Variants in GLI1 observed in about 807,000 individuals in gnomAD.
GLI1 encodes GLI family zinc finger 1, also known as transcription activator GLI1.
A neutral mutation model predicts 87.8 loss-of-function variants in GLI1; 51 were observed. The ratio of observed to expected loss-of-function variants is 0.58; its 90% confidence interval spans 0.46 to 0.73. GLI1 has a LOEUF of 0.73. Ranked by LOEUF, GLI1 falls within the 30% of genes least tolerant of loss-of-function variation. GLI1 has a pLI of 0.00. For synonymous variants in GLI1, 528 were observed against 558.2 expected (o/e 0.95, Z 0.76); for missense variants, 1,292 against 1,437.2 (o/e 0.90, Z 1.63).
intron 3 of GLI1, 116 bp from the exon 4 acceptor site, chr12:57,464,557 C>G: frequency 1.5e-6 from 1 of 658,964 alleles, no homozygotes; most frequent in Non-Finnish European, 2.6e-6. Context: ...CAGATAGCAT[C>G]AATAGGGCAA....
chr12:57,467,235 T>C lies in GLI1; in HGVS notation c.913-98T>C, dbSNP rs1199609239. 3 of 1,020,146 alleles carry C rather than the reference T, an allele frequency of 2.9e-6. No homozygotes were observed. In the African/African-American group the frequency reaches 4.8e-5, roughly 16 times the overall value. The allele number at this position is 1,020,146 out of a possible 1,614,324, so 63.2% of individuals were successfully genotyped here. A position where few individuals can be genotyped will look rare whatever the true frequency, so the allele number is the denominator to read the frequency against. On this transcript the variant is annotated intron_variant, in intron 8 of 11. Coordinates refer to ENST00000228682, the MANE Select transcript of GLI1 (RefSeq NM_005269.3). The stretch of plus-strand genomic sequence containing the variant: ...AGCCCCAGTGCCTTTCATCTTGAGT[T>C]ATATTCTCTGATGTGTGTCCTGTTG...
At position 57,472,135 on chromosome 12, in the gene GLI1, C is replaced by A; in HGVS notation, c.*74C>A. The A allele has an allele frequency of 1.0e-6, 1 of 986,280 alleles. No individual in the cohort carries two copies. The highest frequency in any genetic ancestry group is 1.5e-6 in the Non-Finnish European group (1 of 684,916). The allele number at this position is 986,280 out of a possible 1,614,324, so 61.1% of individuals were successfully genotyped here. ...TATCCTTCCAGAAAAATTGGGGGAG[C>A]TGCAGTCCCATGCACAAGATGCCCC... On this transcript the variant is annotated 3_prime_UTR_variant, in exon 12 of 12. Coordinates refer to ENST00000228682, the MANE Select transcript of GLI1 (RefSeq NM_005269.3).
rs74607574 is a variant in GLI1 at position 57,469,682 on chromosome 12, C to T, written c.1560C>T (p.Pro520=). The T allele has an allele frequency of 9.3e-4, 1,508 of 1,613,570 alleles. 10 individuals carry two copies. In the African/African-American group the frequency reaches 0.018, roughly 19 times the overall value. The part of the protein sequence containing the change: ...RPIGTRGLKL[P]SLSHTGTTVS... The stretch of plus-strand genomic sequence containing the variant: ...TAGGGACCCGGGGTCTCAAACTGCC[C>T]AGCTTGTCCCACACCGGTGAGACCT... The change falls in exon 11 of 12, where the codon CCC becomes CCT. Residue 520 remains proline, a synonymous_variant. Transcript: ENST00000228682.
rs1251765243 is a variant in GLI1, at chr12:57,471,672, G to A, written c.2932G>A (p.Ala978Thr). The change falls in exon 12 of 12, where the codon GCA (alanine) becomes ACA (threonine). Residue 978 changes from alanine to threonine, a missense_variant. Ala to Thr is a moderately conservative substitution (Grantham distance 58). Coordinates refer to ENST00000228682, the MANE Select transcript of GLI1 (RefSeq NM_005269.3). This position sits in a 1 kb window ranked among gnomAD's most constrained non-coding sequence, Gnocchi z 4.9. ...SPCHENFVVG[A>T]NRASHRAAAP... ...ATGCCATGAAAATTTTGTAGTGGGG[G>A]CAAATAGGGCTTCACATAGGGCAGC... 5 of 1,609,788 alleles carry A rather than the reference G, an allele frequency of 3.1e-6. No individual in the cohort carries two copies. Among genetic ancestry groups the A allele is most frequent in the Non-Finnish European group, 4.2e-6 (5 of 1,177,966 alleles).
Position 57,464,820 on chromosome 12 carries a change from G to A in GLI1, c.341G>A (p.Cys114Tyr). 6.2e-7 allele frequency: 1 copy of A among 1,614,070 alleles called. No homozygotes were observed. Among genetic ancestry groups the A allele is most frequent in the East Asian group, 2.2e-5 (1 of 44,868 alleles). ...SSLVAFINSR[C>Y]TSPGGSYGHL... ...CTCGTAGCTTTCATCAACTCGCGATGCACATCTCCAGGAGGCTCCTACGGT... is the reference window on the plus strand; with the variant it reads ...CTCGTAGCTTTCATCAACTCGCGATACACATCTCCAGGAGGCTCCTACGGT... The change falls in exon 4 of 12, where the codon TGC (cysteine) becomes TAC (tyrosine). Residue 114 changes from cysteine to tyrosine, a missense_variant. By Grantham distance (194) the Cys-to-Tyr change is radical. Coordinates refer to ENST00000228682, the MANE Select transcript of GLI1 (RefSeq NM_005269.3).
chr12:57,460,364 G>A (rs1433132577), intron 1 of GLI1, 163 bp downstream of exon 1: 1 of 152,360 alleles, frequency 6.6e-6, no homozygotes, highest in Non-Finnish European at 1.5e-5. Flanking sequence ...TTTTTCACTT[G>A]TGTCTTTCTC....
Position 57,470,690 on chromosome 12 carries a change from T to C in GLI1, c.1950T>C (p.Ala650=), listed in dbSNP as rs750127418. ...CAGCCCAGGCTGCTGACCGTCCTGCTCCAGCTAGAGTCCAGAGGTTCAAGA... is the reference window on the plus strand; with the variant it reads ...CAGCCCAGGCTGCTGACCGTCCTGCCCCAGCTAGAGTCCAGAGGTTCAAGA... ...SDPAQAADRP[A]PARVQRFKSL... Residue 650 remains alanine, a synonymous_variant, in exon 12 of 12, where the codon GCT becomes GCC. Coordinates refer to ENST00000228682, the MANE Select transcript of GLI1 (RefSeq NM_005269.3). The C allele has an allele frequency of 1.2e-6, 2 of 1,612,666 alleles. No individual in the cohort carries two copies. The highest frequency in any genetic ancestry group is 8.5e-7 in the Non-Finnish European group (1 of 1,179,324).
chr12:57,469,999 A>G (rs536638080), intron 11 of GLI1, among the ~76,000 whole-genome samples: 4 of 152,200 alleles, frequency 2.6e-5, no homozygotes, highest in African/African-American at 9.7e-5. Context: ...TTGCACTCCA[A>G]CTTGAGCAAC....
rs1423130151 is a variant in GLI1, at chr12:57,465,698, T to G, written c.624+2T>G. The G allele has an allele frequency of 1.2e-6, 2 of 1,613,746 alleles. No individual in the cohort carries two copies. Among genetic ancestry groups the G allele is most frequent in the South Asian group, 2.2e-5 (2 of 91,062 alleles). The stretch of plus-strand genomic sequence containing the variant: ...AGCCCCAACTCCACAGGCATACAGG[T>G]AAGGGGATGGGCAGGAGCTTTACCT... On this transcript the variant is annotated splice_donor_variant, in intron 6 of 11. Coordinates refer to ENST00000228682, the MANE Select transcript of GLI1 (RefSeq NM_005269.3). LOFTEE classifies it high-confidence loss of function.
chr12:57,464,880 C>A lies in GLI1; in HGVS notation c.389+12C>A. ...ATTGGCACCATGAGGTGCAGTCAGC[C>A]CCGGGCCAAGAGGCCCCTAAAGCCC... On this transcript the variant is annotated intron_variant, in intron 4 of 11. Coordinates refer to ENST00000228682, the MANE Select transcript of GLI1 (RefSeq NM_005269.3). The A allele has an allele frequency of 1.2e-6, 2 of 1,603,782 alleles. No individual in the cohort carries two copies. Among genetic ancestry groups the A allele is most frequent in the Non-Finnish European group, 8.5e-7 (1 of 1,171,056 alleles).
At chr12:57,465,996 TCCGG>T (rs1871456659) in intron 7 of GLI1, 71 bp downstream of exon 7, 10 of 1,442,270 alleles carry the variant, frequency 6.9e-6, no homozygotes, top group Non-Finnish European at 9.7e-6. Flanking sequence ...CATGGTGGAA[TCCGG>T]CTGAGGGCAG....
At position 57,469,568 on chromosome 12, in the gene GLI1, C is replaced by G; in HGVS notation, c.1446C>G (p.Asp482Glu). The change falls in exon 11 of 12, where the codon GAC becomes GAG. Residue 482 changes from aspartate (D) to glutamate (E), a missense_variant. Transcript: ENST00000228682. The stretch of plus-strand genomic sequence containing the variant: ...GCACTGAAGACCTCTCCAGCTTGGA[C>G]GAGGGACCTTGCATTGCTGGCACTG... ...GGSTEDLSSL[D>E]EGPCIAGTGL... The G allele has an allele frequency of 1.2e-6, 2 of 1,614,164 alleles. No individual in the cohort carries two copies. Among genetic ancestry groups the G allele is most frequent in the African/African-American group, 1.3e-5 (1 of 75,054 alleles).
At chr12:57,465,754 C>T in intron 6 of GLI1, 34 bp from the exon 7 acceptor site, 1 of 1,613,894 alleles carries the variant, frequency 6.2e-7, no homozygotes. Context: ...AAGCTGTCAC[C>T]CAAGTGACCC....
intron 3 of GLI1, 141 bp downstream of exon 3, chr12:57,464,232 G>C (rs74096022): frequency 1.5e-6 from 1 of 683,318 alleles, no homozygotes; most frequent in Non-Finnish European, 2.6e-6. Context: ...AGAAGTCACA[G>C]ATGGGGCCGG....
chr12:57,462,103 G>A (rs1481918945), intron 1 of GLI1, among the ~76,000 whole-genome samples: 2 of 152,144 alleles, frequency 1.3e-5, no homozygotes, highest in African/African-American at 4.8e-5. Flanking sequence ...CAAGTTTGGG[G>A]GAGTCTCTAG....
intron 9 of GLI1, 92 bp from the exon 10 acceptor site, chr12:57,467,902 C>G: frequency 1.2e-6 from 1 of 848,078 alleles, no homozygotes; most frequent in Non-Finnish European, 1.9e-6. Context: ...TGCTCCTCCC[C>G]TGCCCCCTGT....
intron 1 of GLI1, among the ~76,000 whole-genome samples, chr12:57,461,133 A>T (rs979316984): frequency 6.6e-6 from 1 of 152,174 alleles, no homozygotes; most frequent in South Asian, 2.1e-4. Flanking sequence ...CTGGGCAGCT[A>T]GCTTTCGGGA....
chr12:57,465,609 G>A lies in GLI1; in HGVS notation c.537G>A (p.Leu179=). Residue 179 remains leucine, a splice_region_variant and synonymous_variant, in exon 6 of 12, where the codon CTG becomes CTA. Transcript: ENST00000228682. ...QSRGPFPTCQ[L]KSELDMLVGK... ...CGTCACCTCTTCCCCTGGGGAAGCT[G>A]AAGTCTGAGCTGGACATGCTGGTTG... is the stretch of plus-strand genomic sequence containing the variant. 6.2e-7 allele frequency: 1 copy of A among 1,613,576 alleles called. No homozygotes were observed. The highest frequency in any genetic ancestry group is 1.1e-5 in the South Asian group (1 of 91,042).
At chr12:57,461,213 C>T (rs1871118391) in intron 1 of GLI1, among the ~76,000 whole-genome samples, 1 of 152,164 alleles carries the variant, frequency 6.6e-6, no homozygotes, top group South Asian at 2.1e-4. Context: ...GAGCTGGGGT[C>T]TTCTAGGATA....
Sources: gnomAD v4.1 joint callset for allele counts (sites outside exome capture counted in the v4.1 genomes callset) on GRCh38, gnomAD v4.1.1 for gene constraint, Gnocchi (gnomAD v3.1) non-coding constraint, MANE v1.5 for transcripts, NCBI Gene and HGNC (gene_info 2026-07-23, HGNC 2026-07-21) for gene names.